The following NRG3 variants were observed in gnomAD, a reference collection of about 807,000 sequenced individuals.
The protein encoded by NRG3 is pro-neuregulin-3, membrane-bound isoform.
Under a neutral mutation model 66.9 loss-of-function variants are expected in NRG3, and 31 were observed. The observed-to-expected ratio is 0.46, with a 90% CI of 0.35 to 0.63. The LOEUF (loss-of-function observed/expected upper bound fraction) is 0.63, where lower values mean the gene tolerates loss of function less well. Among genes scored for constraint, NRG3 ranks in the 20% least tolerant of loss-of-function variants. NRG3 has a pLI of 0.00. For synonymous variants in NRG3, 393 were observed against 359.4 expected (o/e 1.09, Z -1.06); for missense variants, 910 against 878.9 (o/e 1.04, Z -0.45).
chr10:82,136,715 G>C (rs994851181), intron 1 of NRG3, among the ~76,000 whole-genome samples: 4 of 152,094 alleles, frequency 2.6e-5, no homozygotes, highest in African/African-American at 9.7e-5. Context: ...AGGACCCAAG[G>C]GCTCTTTATT....
At chr10:82,140,914 G>C (rs1359608479) in intron 1 of NRG3, among the ~76,000 whole-genome samples, 1 of 151,962 alleles carries the variant, frequency 6.6e-6, no homozygotes, top group African/African-American at 2.4e-5. Context: ...TACCTAGCTT[G>C]ATTTTCTTTG....
intron 1 of NRG3, among the ~76,000 whole-genome samples, chr10:81,956,313 G>A (rs756243401): frequency 1.3e-5 from 2 of 152,152 alleles, no homozygotes; most frequent in African/African-American, 4.8e-5. Context: ...GGAACCACAT[G>A]GAAAGGCCAA....
At chr10:82,870,739 G>C (rs2135984657) in intron 4 of NRG3, among the ~76,000 whole-genome samples, 1 of 152,226 alleles carries the variant, frequency 6.6e-6, no homozygotes, top group South Asian at 2.1e-4. Context: ...TCTTTAGTAA[G>C]GTGTCTGCCA....
chr10:82,301,596 C>T (rs2080401985), intron 1 of NRG3, among the ~76,000 whole-genome samples: 1 of 151,138 alleles, frequency 6.6e-6, no homozygotes, highest in Non-Finnish European at 1.5e-5. Context: ...TCTCCCACTA[C>T]AATTATTTTT....
intron 2 of NRG3, among the ~76,000 whole-genome samples, chr10:82,488,481 A>G (rs1842854407): frequency 6.6e-6 from 1 of 152,240 alleles, no homozygotes; most frequent in Admixed American, 6.5e-5. Flanking sequence ...TTTTGTTTTT[A>G]TCACACAGCT....
intron 1 of NRG3, among the ~76,000 whole-genome samples, chr10:82,016,356 A>G (rs1276110117): frequency 2.0e-5 from 3 of 152,002 alleles, no homozygotes; most frequent in Non-Finnish European, 4.4e-5. Flanking sequence ...GAAAGATGAG[A>G]GTCCAAGGAG....
rs576745449 is a variant in NRG3, at chr10:82,937,286, A to G, written c.1055-14183A>G. Among the ~76,000 whole-genome samples, 4 of 152,340 alleles carry G rather than the reference A, an allele frequency of 2.6e-5. No individual in the cohort carries two copies. In the East Asian group the frequency reaches 7.7e-4, roughly 29 times the overall value. On this transcript the variant is annotated intron_variant, in intron 4 of 8. Coordinates refer to ENST00000372141, the MANE Select transcript of NRG3 (RefSeq NM_001010848.4). The stretch of plus-strand genomic sequence containing the variant: ...ACACTGTGCTCAGTAAATGCATGGT[A>G]CAAAGCATCTCATTTAATCTTCCAG...
chr10:81,925,850 C>T (rs1846727646), intron 1 of NRG3, among the ~76,000 whole-genome samples: 1 of 152,006 alleles, frequency 6.6e-6, no homozygotes, highest in South Asian at 2.1e-4. Flanking sequence ...AGGGAGCTTT[C>T]ATAAAAGGAC....
intron 1 of NRG3, among the ~76,000 whole-genome samples, chr10:82,222,547 G>A (rs1328815379): frequency 6.6e-6 from 1 of 152,182 alleles, no homozygotes; most frequent in African/African-American, 2.4e-5. Context: ...ATTAGGCCAA[G>A]TCCCTGGGTG....
rs748091550 is a variant in NRG3 at position 82,985,304 on chromosome 10, G to C, written c.1790G>C (p.Ser597Thr). 1.4e-5 allele frequency: 23 copies of C among 1,614,016 alleles called. No individual in the cohort carries two copies. Among genetic ancestry groups the C allele is most frequent in the African/African-American group, 5.3e-5 (4 of 74,898 alleles). The change falls in exon 9 of 9, where the codon AGC becomes ACC. Residue 597 changes from serine (S) to threonine (T), a missense_variant. Coordinates refer to ENST00000372141, the MANE Select transcript of NRG3 (RefSeq NM_001010848.4). ...ATGCCAGGGATTTCTGAAGTCAAAA[G>C]CATCAAATGGTGCAAAAACTCCTAT... ...LQMPGISEVK[S>T]IKWCKNSYSA...
rs2061149719 is a variant in NRG3 at position 82,001,175 on chromosome 10, T to A, written c.823+125012T>A. ...ATTGTTGTTCGGGCTCATACATTTT[T>A]AAAAAAGGAAAGTGTAAGAGAAAAA... On this transcript the variant is annotated intron_variant, in intron 1 of 8. Coordinates refer to ENST00000372141, the MANE Select transcript of NRG3 (RefSeq NM_001010848.4). Among the ~76,000 whole-genome samples the A allele has an allele frequency of 2.7e-5, 4 of 145,808 alleles. 1 individual carries two copies.
At chr10:81,882,655 G>A (rs1422758965) in intron 1 of NRG3, among the ~76,000 whole-genome samples, 2 of 152,170 alleles carry the variant, frequency 1.3e-5, no homozygotes, top group African/African-American at 4.8e-5. Context: ...AGTGAAATGG[G>A]AAGTAGATAG....
chr10:82,627,215 ATTT>A (rs998993115), intron 2 of NRG3, among the ~76,000 whole-genome samples: 10 of 152,046 alleles, frequency 6.6e-5, no homozygotes, highest in African/African-American at 2.2e-4. Flanking sequence ...CTTCCAGCAC[ATTT>A]TCTTCAGGGC....
chr10:82,616,281 C>T (rs190139901), intron 2 of NRG3, among the ~76,000 whole-genome samples: 5 of 152,254 alleles, frequency 3.3e-5, no homozygotes, highest in Admixed American at 2.6e-4. Flanking sequence ...GAGGTAAAAC[C>T]TTAGATATAA....
At chr10:82,040,587 C>T (rs572188592) in intron 1 of NRG3, among the ~76,000 whole-genome samples, 11 of 151,936 alleles carry the variant, frequency 7.2e-5, no homozygotes, top group South Asian at 6.2e-4. Context: ...GAACATTTGG[C>T]GGATAGAAAC....
At chr10:82,433,602 A>G (rs749934700) in intron 2 of NRG3, among the ~76,000 whole-genome samples, 1 of 152,168 alleles carries the variant, frequency 6.6e-6, no homozygotes, top group African/African-American at 2.4e-5. Flanking sequence ...TAAGTATTTA[A>G]TCCATCTTCA....
At chr10:82,220,930 G>A (rs2075910638) in intron 1 of NRG3, among the ~76,000 whole-genome samples, 1 of 152,128 alleles carries the variant, frequency 6.6e-6, no homozygotes, top group Non-Finnish European at 1.5e-5. Flanking sequence ...GCTGCAGTGA[G>A]CTATGATCAT....
chr10:82,593,130 T>C (rs1365686203), intron 2 of NRG3, among the ~76,000 whole-genome samples: 4 of 152,208 alleles, frequency 2.6e-5, no homozygotes, highest in African/African-American at 9.6e-5. Context: ...TTGTTTGCAC[T>C]GTTCTTAGAG....
At chr10:82,038,131 G>A (rs1336631087) in intron 1 of NRG3, among the ~76,000 whole-genome samples, 2 of 152,082 alleles carry the variant, frequency 1.3e-5, no homozygotes, top group South Asian at 2.1e-4. Flanking sequence ...TTCACTAATT[G>A]TTTAAAAATC....
Sources: gnomAD v4.1 joint callset for allele counts (sites outside exome capture counted in the v4.1 genomes callset) on GRCh38, gnomAD v4.1.1 for gene constraint, MANE v1.5 for transcripts, NCBI Gene and HGNC (gene_info 2026-07-23, HGNC 2026-07-21) for gene names.